GNA12: variants seen among roughly 807,000 people sequenced by gnomAD.
GNA12 encodes guanine nucleotide-binding protein subunit alpha-12.
A neutral mutation model predicts 26.0 loss-of-function variants in GNA12; 9 were observed. The ratio of observed to expected loss-of-function variants is 0.35; its 90% confidence interval spans 0.21 to 0.60. The LOEUF is 0.60. GNA12 is among the 20% of genes least tolerant of loss of function. The pLI is 0.78. For missense variants in GNA12, 405 were observed against 525.8 expected, an observed-to-expected ratio of 0.77 and a Z score of 2.25; for synonymous variants, 264 against 219.6, an observed-to-expected ratio of 1.20 and a Z score of -1.79.
intron 1 of GNA12, among the ~76,000 whole-genome samples, chr7:2,837,315 T>C (rs1160493171): frequency 6.6e-6 from 1 of 152,042 alleles, no homozygotes; most frequent in Non-Finnish European, 1.5e-5. Flanking sequence ...CCAACCCCAC[T>C]CAACAAGGCC....
chr7:2,758,856 G>A (rs1275778562), intron 2 of GNA12, among the ~76,000 whole-genome samples: 1 of 152,170 alleles, frequency 6.6e-6, no homozygotes, highest in Non-Finnish European at 1.5e-5. Context: ...TCAACATGAT[G>A]GGTCTCTGCT....
intron 2 of GNA12, among the ~76,000 whole-genome samples, chr7:2,791,687 A>G (rs1583285469): frequency 6.6e-6 from 1 of 151,630 alleles, no homozygotes; most frequent in Non-Finnish European, 1.5e-5. Flanking sequence ...AAGCTTTGAC[A>G]CTCAGGAAAA....
chr7:2,818,729 C>T (rs1414690074), intron 1 of GNA12, among the ~76,000 whole-genome samples: 1 of 150,876 alleles, frequency 6.6e-6, no homozygotes, highest in Non-Finnish European at 1.5e-5. Flanking sequence ...CGCCACTACA[C>T]TCCAGCGTGG....
intron 1 of GNA12, among the ~76,000 whole-genome samples, chr7:2,820,401 C>CTTTTTTTTTTTT (rs35674433): frequency 4.7e-5 from 6 of 126,370 alleles, no homozygotes; most frequent in Middle Eastern, 4.4e-3. Context: ...CTCAATAAAG[C>CTTTTTTTTTTTT]TTTTTTTTTT....
chr7:2,757,886 T>C (rs1478317286), intron 2 of GNA12, among the ~76,000 whole-genome samples: 1 of 152,176 alleles, frequency 6.6e-6, no homozygotes, highest in African/African-American at 2.4e-5. Flanking sequence ...TTTTTTCCTT[T>C]AATAGCTTAG....
intron 2 of GNA12, among the ~76,000 whole-genome samples, chr7:2,752,545 A>T (rs1791091604): frequency 1.3e-5 from 2 of 152,194 alleles, no homozygotes; most frequent in African/African-American, 2.4e-5. Context: ...CAAACACAAA[A>T]TCCTAAGGAA....
chr7:2,756,322 A>C (rs1371327071), intron 2 of GNA12, among the ~76,000 whole-genome samples: 1 of 152,184 alleles, frequency 6.6e-6, no homozygotes, highest in African/African-American at 2.4e-5. Context: ...GTCCTATATA[A>C]ATCTAATTCA....
chr7:2,777,935 T>A (rs1276581997), intron 2 of GNA12, among the ~76,000 whole-genome samples: 1 of 152,228 alleles, frequency 6.6e-6, no homozygotes, highest in Non-Finnish European at 1.5e-5. Flanking sequence ...TTGTGAGGTG[T>A]CCCTGGTGAT....
At chr7:2,762,944 G>T in intron 2 of GNA12, 1 of 1,380,386 alleles carries the variant, frequency 7.2e-7, no homozygotes. Flanking sequence ...ACACTCCCGT[G>T]GGGCCCGTGC....
At chr7:2,809,229 G>A (rs1003127131) in intron 1 of GNA12, among the ~76,000 whole-genome samples, 3 of 151,948 alleles carry the variant, frequency 2.0e-5, no homozygotes, top group Non-Finnish European at 2.9e-5. Context: ...GTGTCCCCAG[G>A]GCCGGCACAG....
At chr7:2,768,449 A>G (rs1791861872) in intron 2 of GNA12, among the ~76,000 whole-genome samples, 1 of 152,166 alleles carries the variant, frequency 6.6e-6, no homozygotes, top group Non-Finnish European at 1.5e-5. Context: ...AACTCAGAAA[A>G]ACACTAACTG....
Position 2,838,943 on chromosome 7 carries a change from T to C in GNA12, c.309+4910A>G, listed in dbSNP as rs373008860. Among the ~76,000 whole-genome samples the C allele has an allele frequency of 2.3e-4, 35 of 152,306 alleles. 1 individual carries two copies. The East Asian group carries it at 4.6e-3, about 20-fold the overall frequency. On this transcript the variant is annotated intron_variant, in intron 1 of 3. Transcript: ENST00000275364. Reference sequence around the variant, plus strand: ...GAAATAGACAAATCCACAATTATAGTTGAGGACTCTTAACTGACAGAACTA... The same window carrying C: ...GAAATAGACAAATCCACAATTATAGCTGAGGACTCTTAACTGACAGAACTA...
intron 2 of GNA12, among the ~76,000 whole-genome samples, chr7:2,775,075 A>G (rs914644709): frequency 6.6e-6 from 1 of 152,222 alleles, no homozygotes; most frequent in African/African-American, 2.4e-5. Flanking sequence ...ACTGAGGATG[A>G]CTAACATCTT....
At chr7:2,755,079 C>T (rs1163386196) in intron 2 of GNA12, among the ~76,000 whole-genome samples, 5 of 152,188 alleles carry the variant, frequency 3.3e-5, no homozygotes, top group African/African-American at 1.2e-4. Context: ...TGCAATCAGT[C>T]GGGCGTGCTG....
intron 1 of GNA12, among the ~76,000 whole-genome samples, chr7:2,813,382 T>A (rs1408549111): frequency 6.6e-6 from 1 of 152,222 alleles, no homozygotes; most frequent in Non-Finnish European, 1.5e-5. Flanking sequence ...CACTGGTTAT[T>A]AAGGGGCATC....
chr7:2,805,274 T>G (rs1161352000), intron 1 of GNA12, among the ~76,000 whole-genome samples: 1 of 152,278 alleles, frequency 6.6e-6, no homozygotes, highest in East Asian at 1.9e-4. Flanking sequence ...AAGTACTCAC[T>G]GTCCATTAGC....
chr7:2,772,739 C>A (rs983363067), intron 2 of GNA12, among the ~76,000 whole-genome samples: 3 of 152,108 alleles, frequency 2.0e-5, no homozygotes, highest in Non-Finnish European at 4.4e-5. Flanking sequence ...TAAACCAGTA[C>A]GGCCAGTTTG....
Position 2,836,192 on chromosome 7 carries a change from ACTAT to A in GNA12, c.309+7657_309+7660del, listed in dbSNP as rs1778833223. ...TAGAGTGAGGTAATGAAGTCCTCGC[ACTAT>A]CTAACAGAAATCCTATGTGCAAATT... On this transcript the variant is annotated intron_variant, in intron 1 of 3. Transcript: ENST00000275364. Among the ~76,000 whole-genome samples the A allele has an allele frequency of 2.6e-5, 4 of 152,254 alleles. No individual in the cohort carries two copies. The South Asian group carries it at 8.3e-4, about 31-fold the overall frequency.
chr7:2,744,894 C>T (rs749464590), intron 2 of GNA12, among the ~76,000 whole-genome samples: 16 of 151,934 alleles, frequency 1.1e-4, no homozygotes, highest in South Asian at 4.2e-4. Flanking sequence ...GGAGCCGATG[C>T]GATGAACTGG....
Sources: gnomAD v4.1 joint callset for allele counts (sites outside exome capture counted in the v4.1 genomes callset) on GRCh38, gnomAD v4.1.1 for gene constraint, MANE v1.5 for transcripts, NCBI Gene and HGNC (gene_info 2026-07-23, HGNC 2026-07-21) for gene names.